Variants in PDE4B observed in about 807,000 individuals in gnomAD.
The protein encoded by PDE4B is 3',5'-cyclic-AMP phosphodiesterase 4B.
PDE4B carries 20 observed loss-of-function variants against 82.2 expected under a neutral mutation model. The ratio of observed to expected loss-of-function variants is 0.24; its 90% CI spans 0.17 to 0.35. The LOEUF is 0.35. PDE4B is among the 10% of genes least tolerant of loss of function. The pLI, the probability that PDE4B is intolerant of heterozygous loss-of-function variation, is 1.00. For missense variants in PDE4B, 655 were observed against 907.2 expected (o/e 0.72, Z 3.57); for synonymous variants, 320 against 318.9 (o/e 1.00, Z -0.04).
intron 3 of PDE4B, among the ~76,000 whole-genome samples, chr1:66,076,937 G>T (rs938259237): frequency 6.6e-6 from 1 of 151,552 alleles, no homozygotes; most frequent in African/African-American, 2.4e-5. Context: ...TGCATAGTTT[G>T]CAGATACTTT....
chr1:66,361,281 C>T (rs1428910502), intron 9 of PDE4B, among the ~76,000 whole-genome samples: 1 of 152,010 alleles, frequency 6.6e-6, no homozygotes, highest in East Asian at 1.9e-4. Context: ...GTGTGTACTC[C>T]TTATACACTC....
intron 1 of PDE4B, among the ~76,000 whole-genome samples, chr1:65,814,375 G>T (rs1209339980): frequency 3.9e-5 from 6 of 152,100 alleles, no homozygotes; most frequent in Non-Finnish European, 8.8e-5. Context: ...ATTGATAAAA[G>T]ATGAATGTAA....
intron 1 of PDE4B, among the ~76,000 whole-genome samples, chr1:65,896,211 A>T (rs1646909252): frequency 6.6e-6 from 1 of 152,110 alleles, no homozygotes; most frequent in African/African-American, 2.4e-5. Context: ...TTTCACATGG[A>T]TGGGGAGACC....
chr1:66,324,900 C>T (rs1340609243), intron 7 of PDE4B, among the ~76,000 whole-genome samples: 21 of 152,254 alleles, frequency 1.4e-4, no homozygotes, highest in South Asian at 2.1e-4. Flanking sequence ...GCACTCTAAC[C>T]TGAGTGTGCT....
chr1:65,849,710 GA>G (rs141384108), intron 1 of PDE4B, among the ~76,000 whole-genome samples: 1 of 151,392 alleles, frequency 6.6e-6, no homozygotes, highest in Non-Finnish European at 1.5e-5. Flanking sequence ...TGCAGAAAAA[GA>G]AAAAAAACAA....
intron 3 of PDE4B, among the ~76,000 whole-genome samples, chr1:66,049,120 T>C (rs1654879083): frequency 6.6e-6 from 1 of 152,060 alleles, no homozygotes; most frequent in Non-Finnish European, 1.5e-5. Context: ...ATCGTAAGTG[T>C]AGAATAAGGA....
intron 3 of PDE4B, among the ~76,000 whole-genome samples, chr1:65,988,053 A>G (rs1651047718): frequency 6.6e-6 from 1 of 152,262 alleles, no homozygotes. Context: ...AACAAGACTC[A>G]GCCCAGCCCA....
chr1:65,893,002 T>G (rs1030954609), intron 1 of PDE4B, among the ~76,000 whole-genome samples: 3 of 152,046 alleles, frequency 2.0e-5, no homozygotes, highest in Non-Finnish European at 2.9e-5. Context: ...AAAATAAAAT[T>G]CAATAGAATA....
At chr1:66,352,572 G>A (rs975983998) in intron 8 of PDE4B, among the ~76,000 whole-genome samples, 3 of 152,182 alleles carry the variant, frequency 2.0e-5, no homozygotes, top group Non-Finnish European at 4.4e-5. Flanking sequence ...CTTCTGAGCA[G>A]AGTTGCCGAT....
rs371495481 is a variant in PDE4B at position 66,209,625 on chromosome 1, C to T, written c.282-37835C>T. 1.3e-4 allele frequency among the ~76,000 whole-genome samples: 20 copies of T among 152,318 alleles called. No homozygotes were observed. In the East Asian group the frequency reaches 2.7e-3, roughly 21 times the overall value. On this transcript the variant is annotated intron_variant, in intron 3 of 16. Coordinates refer to ENST00000341517, the MANE Select transcript of PDE4B (RefSeq NM_002600.4). ...TATATACCCTTGTAGCTACCACCCC[C>T]ACTCAAATTATACATTTCCATCACT...
intron 1 of PDE4B, among the ~76,000 whole-genome samples, chr1:65,817,270 G>A (rs761150459): frequency 1.2e-4 from 18 of 152,174 alleles, no homozygotes; most frequent in Admixed American, 1.1e-3. Flanking sequence ...ATGTAAGGGT[G>A]CTGCTTCTTG....
At chr1:65,992,877 G>A in intron 3 of PDE4B, 2 of 1,601,346 alleles carry the variant, frequency 1.2e-6, no homozygotes, top group South Asian at 1.1e-5. Flanking sequence ...TTTTGTTTTG[G>A]ATGGTGAAAG....
At chr1:65,965,413 A>G (rs2100608291) in intron 3 of PDE4B, among the ~76,000 whole-genome samples, 1 of 152,286 alleles carries the variant, frequency 6.6e-6, no homozygotes, top group East Asian at 1.9e-4. Context: ...GAAAGATAGC[A>G]TCCTCAGAAT....
intron 3 of PDE4B, among the ~76,000 whole-genome samples, chr1:65,966,933 C>T (rs925011858): frequency 4.6e-5 from 7 of 152,112 alleles, no homozygotes; most frequent in African/African-American, 1.4e-4. Context: ...CCATAAAAAC[C>T]CTAGAAGAAA....
At chr1:66,162,005 A>G (rs963844189) in intron 3 of PDE4B, among the ~76,000 whole-genome samples, 1 of 152,174 alleles carries the variant, frequency 6.6e-6, no homozygotes, top group Non-Finnish European at 1.5e-5. Context: ...ATAAGCAACT[A>G]TATGAAGCCC....
intron 3 of PDE4B, among the ~76,000 whole-genome samples, chr1:65,922,424 C>G (rs896254252): frequency 6.6e-6 from 1 of 152,014 alleles, no homozygotes; most frequent in Non-Finnish European, 1.5e-5. Context: ...GTTCTTGGAA[C>G]CAACTTGGAA....
At chr1:65,860,330 G>A (rs972848971) in intron 1 of PDE4B, among the ~76,000 whole-genome samples, 1 of 152,216 alleles carries the variant, frequency 6.6e-6, no homozygotes, top group African/African-American at 2.4e-5. Flanking sequence ...AGTTTGCTGA[G>A]AAGGATGGTT....
At chr1:65,908,635 G>A (rs1557810920) in intron 1 of PDE4B, among the ~76,000 whole-genome samples, 2 of 152,086 alleles carry the variant, frequency 1.3e-5, no homozygotes, top group Non-Finnish European at 2.9e-5. Context: ...TGCAGCTTGA[G>A]CCATCATGTC....
intron 7 of PDE4B, among the ~76,000 whole-genome samples, chr1:66,285,370 G>A (rs1230282729): frequency 6.6e-6 from 1 of 151,878 alleles, no homozygotes; most frequent in African/African-American, 2.4e-5. Flanking sequence ...TATATTTAGG[G>A]GGTACAAGTG....
Sources: allele counts gnomAD v4.1 joint callset (sites outside exome capture counted in the v4.1 genomes callset), GRCh38; gene constraint gnomAD v4.1.1; transcripts MANE v1.5; gene names NCBI Gene and HGNC (gene_info 2026-07-23, HGNC 2026-07-21).